SHANK2: variants seen among roughly 807,000 people sequenced by gnomAD.
SHANK2 encodes the protein SH3 and multiple ankyrin repeat domains protein 2.
A neutral mutation model predicts 133.7 loss-of-function variants in SHANK2; 43 were observed. That is an observed-to-expected ratio of 0.32 (90% CI 0.25 to 0.41). SHANK2 has a LOEUF of 0.41. SHANK2 is among the 10% of genes least tolerant of loss of function. SHANK2 has a pLI of 1.00. For missense variants in SHANK2, 1,994 were observed against 2,235.8 expected (o/e 0.89, Z 2.18); for synonymous variants, 1,017 against 952.8 (o/e 1.07, Z -1.24).
At chr11:70,706,602 C>T (rs1296393901) in intron 14 of SHANK2, among the ~76,000 whole-genome samples, 4 of 152,008 alleles carry the variant, frequency 2.6e-5, no homozygotes, top group Non-Finnish European at 5.9e-5. Flanking sequence ...CTTGTCAACC[C>T]GACACATCCC....
At chr11:70,703,360 GCGACC>G (rs1441486500) in intron 14 of SHANK2, among the ~76,000 whole-genome samples, 1 of 152,258 alleles carries the variant, frequency 6.6e-6, no homozygotes, top group Non-Finnish European at 1.5e-5. Flanking sequence ...CATCTCATGA[GCGACC>G]CGTGTAAATC....
At chr11:71,223,773 C>T (rs1022897282) in intron 2 of SHANK2, among the ~76,000 whole-genome samples, 5 of 152,330 alleles carry the variant, frequency 3.3e-5, no homozygotes, top group Admixed American at 2.6e-4. Flanking sequence ...GAGGCCCTTC[C>T]CTGCACGGGG....
intron 2 of SHANK2, among the ~76,000 whole-genome samples, chr11:71,207,423 G>A (rs782809512): frequency 2.6e-5 from 4 of 152,070 alleles, no homozygotes; most frequent in African/African-American, 4.8e-5. Flanking sequence ...CAGGTGATCC[G>A]TGCGCCTTGG....
intron 15 of SHANK2, chr11:70,662,040 G>GGCGGCGGCGGCAGCGGCGGCCTCAGCA (rs1555013571): frequency 1.9e-6 from 1 of 513,756 alleles, no homozygotes; most frequent in African/African-American, 1.9e-5. Context: ...TGGCCCGAAC[G>GGCGGCGGCGGCAGCGGCGGCCTCAGCA]GCGGCGGCGG....
rs554951743 is a variant in SHANK2 at position 70,592,011 on chromosome 11, C to T, written c.2061+67817G>A. ...TCGCGCCATCGCACTCCAGTCTGGG[C>T]GATAGAGCGAGACTCCGTCTAAAAA... On this transcript the variant is annotated intron_variant, in intron 17 of 25. Transcript: ENST00000601538. 8.6e-5 allele frequency among the ~76,000 whole-genome samples: 13 copies of T among 150,572 alleles called. No individual in the cohort carries two copies. In the East Asian group the frequency reaches 1.2e-3, roughly 14 times the overall value.
At chr11:70,590,370 T>C (rs1427511765) in intron 17 of SHANK2, among the ~76,000 whole-genome samples, 1 of 152,222 alleles carries the variant, frequency 6.6e-6, no homozygotes, top group Non-Finnish European at 1.5e-5. Flanking sequence ...ATAAGCCTAG[T>C]TGATAAAGCA....
intron 2 of SHANK2, among the ~76,000 whole-genome samples, chr11:71,218,007 C>T (rs984821035): frequency 1.3e-5 from 2 of 151,864 alleles, no homozygotes; most frequent in African/African-American, 2.4e-5. Flanking sequence ...CCCGCCACCA[C>T]GCCCGGCTAA....
Position 70,487,565 on chromosome 11 carries a change from T to G in SHANK2, c.2728A>C (p.Lys910Gln). The change falls in exon 25 of 26, where the codon AAG (lysine) becomes CAG (glutamine). Residue 910 changes from lysine to glutamine, a missense_variant. Transcript: ENST00000601538. This position sits in a 1 kb window ranked among gnomAD's most constrained non-coding sequence, Gnocchi z 5.8. ...CCGTAGACTCTTGGAGTTGGGGACT[T>G]GGGGCAGTTGTAAGTGGTTGGGGAA... is the stretch of plus-strand genomic sequence containing the variant. ...PPSPTTYNCP[K>Q]SPTPRVYGTI... 6.2e-7 allele frequency: 1 copy of G among 1,612,802 alleles called. No individual in the cohort carries two copies. The highest frequency in any genetic ancestry group is 8.5e-7 in the Non-Finnish European group (1 of 1,179,716).
intron 2 of SHANK2, among the ~76,000 whole-genome samples, chr11:71,220,414 C>A (rs1954511887): frequency 6.6e-6 from 1 of 152,116 alleles, no homozygotes; most frequent in East Asian, 1.9e-4. Flanking sequence ...ACCTGCCATT[C>A]CATTTCTGGG....
At chr11:70,745,353 G>T (rs1156677340) in intron 14 of SHANK2, among the ~76,000 whole-genome samples, 4 of 152,180 alleles carry the variant, frequency 2.6e-5, no homozygotes, top group African/African-American at 7.2e-5. Context: ...GTATTTCCAT[G>T]CCAGCCCTGG....
intron 9 of SHANK2, among the ~76,000 whole-genome samples, chr11:71,066,101 TGTGC>T (rs1951055668): frequency 4.4e-5 from 1 of 22,570 alleles, no homozygotes; most frequent in Non-Finnish European, 7.2e-5. Context: ...GGGGGGGGTG[TGTGC>T]AGAACTCTCC....
At chr11:70,612,196 A>C (rs1475835571) in intron 17 of SHANK2, among the ~76,000 whole-genome samples, 1 of 152,002 alleles carries the variant, frequency 6.6e-6, no homozygotes, top group Admixed American at 6.6e-5. Context: ...AGAGGACTTT[A>C]ATAAGGGTTT....
intron 16 of SHANK2, among the ~76,000 whole-genome samples, chr11:70,661,282 A>C (rs2061483851): frequency 6.6e-6 from 1 of 152,184 alleles, no homozygotes; most frequent in East Asian, 1.9e-4. Context: ...CCACCCCATC[A>C]TTTAAAAACA....
intron 17 of SHANK2, among the ~76,000 whole-genome samples, chr11:70,530,050 C>A (rs1327466948): frequency 6.6e-6 from 1 of 152,178 alleles, no homozygotes; most frequent in Non-Finnish European, 1.5e-5. Flanking sequence ...AGCAATTCCA[C>A]TCCTGGGTAC....
rs971919531 is a variant in SHANK2, at chr11:71,064,252, C to T, written c.1030-7694G>A. Among the ~76,000 whole-genome samples, 551 of 152,316 alleles carry T rather than the reference C, an allele frequency of 3.6e-3. 5 individuals are homozygous for T. Among genetic ancestry groups the T allele is most frequent in the African/African-American group, 0.012 (503 of 41,572 alleles). On this transcript the variant is annotated intron_variant, in intron 9 of 25. Coordinates refer to ENST00000601538, the MANE Select transcript of SHANK2 (RefSeq NM_012309.5). ...GGGGGCACAGAAAACAACCACACAA[C>T]GTCAGGACGGGTGGGTCTGATGCAG...
intron 14 of SHANK2, among the ~76,000 whole-genome samples, chr11:70,793,925 A>C (rs1947851485): frequency 6.6e-6 from 1 of 152,238 alleles, no homozygotes; most frequent in African/African-American, 2.4e-5. Context: ...CATGTCCATC[A>C]TCAGGAGAAT....
At chr11:70,942,484 T>C in intron 10 of SHANK2, 1 of 453,314 alleles carries the variant, frequency 2.2e-6, no homozygotes, top group South Asian at 1.6e-5. Context: ...ATGAGGGATC[T>C]GCCCCAGAAC....
At chr11:71,149,193 G>A (rs1294776435) in intron 2 of SHANK2, among the ~76,000 whole-genome samples, 1 of 152,212 alleles carries the variant, frequency 6.6e-6, no homozygotes, top group East Asian at 1.9e-4. Context: ...CTGAGCTGAA[G>A]ACGATGGAGG....
At chr11:71,227,112 C>T (rs1954655451) in intron 1 of SHANK2, among the ~76,000 whole-genome samples, 1 of 152,042 alleles carries the variant, frequency 6.6e-6, no homozygotes, top group African/African-American at 2.4e-5. Flanking sequence ...ATAAACACTA[C>T]AGATGAATCA....
Sources: gnomAD v4.1 joint callset for allele counts (sites outside exome capture counted in the v4.1 genomes callset) on GRCh38, gnomAD v4.1.1 for gene constraint, Gnocchi (gnomAD v3.1) non-coding constraint, MANE v1.5 for transcripts, NCBI Gene and HGNC (gene_info 2026-07-23, HGNC 2026-07-21) for gene names.